The following CLEC16A variants were observed in gnomAD, a reference collection of about 807,000 sequenced individuals.
The protein encoded by CLEC16A is C-type lectin domain containing 16A.
CLEC16A carries 51 observed loss-of-function variants against 109.5 expected under a neutral mutation model. The ratio of observed to expected loss-of-function variants is 0.47; its 90% CI spans 0.37 to 0.59. The LOEUF (loss-of-function observed/expected upper bound fraction) is 0.59, where lower values mean the gene tolerates loss of function less well. Ranked by LOEUF, CLEC16A falls within the 20% of genes least tolerant of loss-of-function variation. The probability of loss-of-function intolerance (pLI) is 0.00; values close to 1 mark genes in which losing one functional copy is unlikely to be tolerated. For missense variants in CLEC16A, 1,339 were observed against 1,394.0 expected (o/e 0.96, Z 0.63); for synonymous variants, 673 against 564.2 (o/e 1.19, Z -2.73).
At chr16:10,949,630 G>A (rs1210054881) in intron 1 of CLEC16A, among the ~76,000 whole-genome samples, 1 of 152,196 alleles carries the variant, frequency 6.6e-6, no homozygotes, top group Non-Finnish European at 1.5e-5. Flanking sequence ...GTCCCCTGGG[G>A]CCCTGTAAAT....
Position 11,024,801 on chromosome 16 carries a change from A to G in CLEC16A, c.1437-20A>G, listed in dbSNP as rs1382085397. 4.5e-6 allele frequency: 7 copies of G among 1,567,322 alleles called. No homozygotes were observed. In the East Asian group the frequency reaches 1.2e-4, roughly 26 times the overall value. On this transcript the variant is annotated intron_variant, in intron 12 of 23. Coordinates refer to ENST00000409790, the MANE Select transcript of CLEC16A (RefSeq NM_015226.3). ...CCCTTGTGCACCGTGAGGCTCATAC[A>G]TGCCCCTCCTCTTTTCCAGACCCTT...
intron 12 of CLEC16A, chr16:11,024,109 G>A (rs1176332324): frequency 6.6e-6 from 1 of 152,232 alleles, no homozygotes; most frequent in Non-Finnish European, 1.5e-5. Flanking sequence ...TCAGGACCCT[G>A]CCAAAGTGAA....
intron 19 of CLEC16A, among the ~76,000 whole-genome samples, chr16:11,085,435 G>A (rs530409681): frequency 1.5e-4 from 23 of 152,402 alleles, no homozygotes; most frequent in African/African-American, 4.8e-4. Flanking sequence ...CCAAGACCCA[G>A]CTTTGTCACG....
intron 16 of CLEC16A, among the ~76,000 whole-genome samples, chr16:11,044,913 C>T (rs1242452522): frequency 1.5e-5 from 2 of 135,808 alleles, no homozygotes; most frequent in Non-Finnish European, 3.1e-5. Context: ...GCAACAAGAG[C>T]GAAAACTCCA....
intron 19 of CLEC16A, among the ~76,000 whole-genome samples, chr16:11,099,444 G>C (rs562031935): frequency 7.2e-5 from 11 of 152,372 alleles, no homozygotes; most frequent in African/African-American, 2.6e-4. Flanking sequence ...AACGGAAAAA[G>C]GATATTTAAT....
intron 19 of CLEC16A, among the ~76,000 whole-genome samples, chr16:11,085,977 G>C (rs950807489): frequency 7.9e-5 from 12 of 152,146 alleles, no homozygotes; most frequent in African/African-American, 2.7e-4. Flanking sequence ...GAGGCCTCTC[G>C]GGTCTTCAGC....
At chr16:11,002,687 C>T (rs2152751435) in intron 10 of CLEC16A, among the ~76,000 whole-genome samples, 1 of 152,246 alleles carries the variant, frequency 6.6e-6, no homozygotes, top group East Asian at 1.9e-4. Flanking sequence ...GTCCATCATC[C>T]CACACTCTGC....
intron 23 of CLEC16A, among the ~76,000 whole-genome samples, chr16:11,171,105 G>A (rs1364860973): frequency 2.0e-5 from 3 of 152,222 alleles, no homozygotes; most frequent in African/African-American, 4.8e-5. Context: ...CAGACGGGCC[G>A]TGGGCAGGGG....
intron 17 of CLEC16A, chr16:11,048,334 G>A (rs1382701650): frequency 6.6e-6 from 1 of 152,282 alleles, no homozygotes; most frequent in African/African-American, 2.4e-5. Flanking sequence ...ATCGCGGGAA[G>A]CCATAGGTTC....
chr16:11,174,422 C>T lies in CLEC16A; in HGVS notation c.2807-3913C>T. On this transcript the variant is annotated intron_variant, in intron 23 of 23. Coordinates refer to ENST00000409790, the MANE Select transcript of CLEC16A (RefSeq NM_015226.3). This position sits in a 1 kb window ranked among gnomAD's most constrained non-coding sequence, Gnocchi z 4.7. ...GCCAAGGCGGCACTTCCCCATTTTC[C>T]CCCAAAGTTGGTTCTCCCTGCTCCC... The T allele has an allele frequency of 2.8e-6, 1 of 355,018 alleles. No individual in the cohort carries two copies. Among genetic ancestry groups the T allele is most frequent in the Non-Finnish European group, 5.7e-6 (1 of 176,090 alleles). The allele number at this position is 355,018 out of a possible 1,614,324, so 22.0% of individuals were successfully genotyped here.
At chr16:10,991,979 G>A (rs1398649624) in intron 10 of CLEC16A, among the ~76,000 whole-genome samples, 1 of 152,148 alleles carries the variant, frequency 6.6e-6, no homozygotes, top group Non-Finnish European at 1.5e-5. Flanking sequence ...TTAATGAGTG[G>A]GAGTTTCCCT....
At chr16:11,068,646 C>T (rs1391763649) in intron 19 of CLEC16A, among the ~76,000 whole-genome samples, 1 of 152,222 alleles carries the variant, frequency 6.6e-6, no homozygotes, top group Non-Finnish European at 1.5e-5. Context: ...GCAAAAACCA[C>T]AGGCTCATCC....
intron 20 of CLEC16A, among the ~76,000 whole-genome samples, 179 bp downstream of exon 20, chr16:11,120,945 G>T (rs1274103057): frequency 1.3e-5 from 2 of 152,082 alleles, no homozygotes; most frequent in Non-Finnish European, 2.9e-5. Context: ...TAAATGCACA[G>T]ATAAGAGCAA....
intron 4 of CLEC16A, among the ~76,000 whole-genome samples, chr16:10,970,590 A>T (rs1187845683): frequency 6.6e-6 from 1 of 152,174 alleles, no homozygotes; most frequent in Non-Finnish European, 1.5e-5. Context: ...CAAAGTAGAG[A>T]TGAGGTCTCG....
chr16:11,121,476 G>A (rs1035370831), intron 20 of CLEC16A, among the ~76,000 whole-genome samples: 2 of 152,140 alleles, frequency 1.3e-5, no homozygotes, highest in African/African-American at 4.8e-5. Flanking sequence ...GCATTTTTGT[G>A]AATTCCCTTC....
At chr16:11,048,178 C>G (rs931790824) in intron 17 of CLEC16A, 2 of 152,366 alleles carry the variant, frequency 1.3e-5, no homozygotes, top group Non-Finnish European at 2.9e-5. Flanking sequence ...TAGAGGAGGA[C>G]AGCCCAGCCC....
intron 19 of CLEC16A, among the ~76,000 whole-genome samples, chr16:11,103,349 G>A (rs1202791359): frequency 1.3e-5 from 2 of 152,212 alleles, no homozygotes; most frequent in African/African-American, 2.4e-5. Context: ...GGAGGCTGAG[G>A]TGGGCGGATC....
intron 19 of CLEC16A, among the ~76,000 whole-genome samples, chr16:11,075,697 A>G (rs1488333159): frequency 6.6e-6 from 1 of 151,952 alleles, no homozygotes; most frequent in Non-Finnish European, 1.5e-5. Flanking sequence ...TCAGCCTCCC[A>G]AAGTGCTGGG....
At chr16:11,086,512 G>A (rs1022007594) in intron 19 of CLEC16A, among the ~76,000 whole-genome samples, 1 of 152,128 alleles carries the variant, frequency 6.6e-6, no homozygotes, top group Non-Finnish European at 1.5e-5. Context: ...ATTCAGATGG[G>A]GATGGTGAGA....
Sources: gnomAD v4.1 joint callset for allele counts (sites outside exome capture counted in the v4.1 genomes callset) on GRCh38, gnomAD v4.1.1 for gene constraint, Gnocchi (gnomAD v3.1) non-coding constraint, MANE v1.5 for transcripts, NCBI Gene and HGNC (gene_info 2026-07-23, HGNC 2026-07-21) for gene names.